Variants in ATP1A3 observed in about 807,000 individuals in gnomAD.
ATP1A3 encodes sodium/potassium-transporting ATPase subunit alpha-3.
ATP1A3 carries 12 observed loss-of-function variants against 108.8 expected under a neutral mutation model. That is an observed-to-expected ratio of 0.11 (90% CI 0.07 to 0.18). The LOEUF is 0.18. ATP1A3 is among the 10% of genes least tolerant of loss of function. ATP1A3 has a pLI of 1.00. For missense variants in ATP1A3, 498 were observed against 1,387.7 expected (o/e 0.36, Z 10.19); for synonymous variants, 539 against 564.5 (o/e 0.95, Z 0.64).
intron 11 of ATP1A3, among the ~76,000 whole-genome samples, chr19:41,979,470 AT>A (rs1260675304): frequency 1.3e-5 from 2 of 151,774 alleles, no homozygotes; most frequent in African/African-American, 2.4e-5. Context: ...CCACACCACC[AT>A]GCCTGGCTAA....
Position 41,981,437 on chromosome 19 carries a change from A to G in ATP1A3, c.1437+65T>C, listed in dbSNP as rs1283442860. 1 of 1,608,118 alleles carries G rather than the reference A, an allele frequency of 6.2e-7. No homozygotes were observed. The highest frequency in any genetic ancestry group is 8.5e-7 in the Non-Finnish European group (1 of 1,175,074). ...GACGGGAAAATCAAGGCTCTATGACACCTCTTTACAGGCGTCATAAGGAAC... is the reference window on the plus strand; with the variant it reads ...GACGGGAAAATCAAGGCTCTATGACGCCTCTTTACAGGCGTCATAAGGAAC... On this transcript the variant is annotated intron_variant, in intron 11 of 22. Coordinates refer to ENST00000648268, the MANE Select transcript of ATP1A3 (RefSeq NM_152296.5). The surrounding 1 kb of genome is among the most constrained non-coding windows in gnomAD (Gnocchi z 5.0).
chr19:41,976,791 T>C (rs1334062411), intron 14 of ATP1A3, among the ~76,000 whole-genome samples: 1 of 151,822 alleles, frequency 6.6e-6, no homozygotes, highest in Non-Finnish European at 1.5e-5. Flanking sequence ...GATTTATTTA[T>C]TTATTTATTT....
intron 1 of ATP1A3, chr19:41,993,625 C>A (rs2075361063): frequency 1.3e-6 from 1 of 756,024 alleles, no homozygotes; most frequent in Non-Finnish European, 2.1e-6. Flanking sequence ...GTGGACCTAT[C>A]CGCACCCTGC....
rs368551273 is a variant in ATP1A3 at position 41,978,673 on chromosome 19, G to T, written c.1563C>A (p.Asp521Glu). The T allele has an allele frequency of 4.3e-6, 7 of 1,613,906 alleles. No individual in the cohort carries two copies. In the African/African-American group the frequency reaches 8.0e-5, roughly 18 times the overall value. The change falls in exon 12 of 23, where the codon GAC becomes GAA. Residue 521 changes from aspartate (D) to glutamate (E), a missense_variant. By Grantham distance (45) the Asp-to-Glu change is conservative. Coordinates refer to ENST00000648268, the MANE Select transcript of ATP1A3 (RefSeq NM_152296.5). The surrounding 1 kb of genome is among the most constrained non-coding windows in gnomAD (Gnocchi z 8.3). ...TCTGGAAGGCCTCCTTCATTTCCTCGTCCAGAGGCTGCTCCTTGCCCTGTA... is the reference window on the plus strand; with the variant it reads ...TCTGGAAGGCCTCCTTCATTTCCTCTTCCAGAGGCTGCTCCTTGCCCTGTA... ...ILLQGKEQPL[D>E]EEMKEAFQNA...
chr19:41,982,098 C>T lies in ATP1A3; in HGVS notation c.1002G>A (p.Leu334=), dbSNP rs782084116. 4 of 1,614,140 alleles carry T rather than the reference C, an allele frequency of 2.5e-6. No homozygotes were observed. Among genetic ancestry groups the T allele is most frequent in the Non-Finnish European group, 3.4e-6 (4 of 1,180,030 alleles). ...EGLLATVTVC[L]TLTAKRMARK... ...GGGCCATGCGCTTGGCGGTCAGCGTCAGACACACCTGGAGGACGAGCAAGG... is the reference window on the plus strand; with the variant it reads ...GGGCCATGCGCTTGGCGGTCAGCGTTAGACACACCTGGAGGACGAGCAAGG... Residue 334 remains leucine (L), a synonymous_variant, in exon 9 of 23, where the codon CTG becomes CTA. Transcript: ENST00000648268.
At chr19:41,979,105 CAAT>C (rs1555862506) in intron 11 of ATP1A3, among the ~76,000 whole-genome samples, 1 of 151,874 alleles carries the variant, frequency 6.6e-6, no homozygotes, top group East Asian at 1.9e-4. Flanking sequence ...TGGGTTCAAG[CAAT>C]TCTCCTGCCT....
Position 41,981,180 on chromosome 19 carries a change from G to C in ATP1A3, c.1437+322C>G, listed in dbSNP as rs74488471. ...CCTGGCTAATTAAAAAAAAAATTTC[G>C]TACAGATGGGGTTTTGCCATCTTGC... On this transcript the variant is annotated intron_variant, in intron 11 of 22. Coordinates refer to ENST00000648268, the MANE Select transcript of ATP1A3 (RefSeq NM_152296.5). The surrounding 1 kb of genome is among the most constrained non-coding windows in gnomAD (Gnocchi z 5.0). Among the ~76,000 whole-genome samples the C allele has an allele frequency of 6.6e-6, 1 of 151,342 alleles. No homozygotes were observed. The highest frequency in any genetic ancestry group is 1.5e-5 in the Non-Finnish European group (1 of 67,888).
At chr19:41,993,253 G>C (rs1254858794) in intron 1 of ATP1A3, 24 of 809,784 alleles carry the variant, frequency 3.0e-5, no homozygotes, top group Admixed American at 6.3e-5. Flanking sequence ...GTCAGCCAGG[G>C]AGGGAGGCGG....
rs370996990 is a variant in ATP1A3 at position 41,977,956 on chromosome 19, G to C, written c.1923C>G (p.Pro641=). 2 of 1,614,250 alleles carry C rather than the reference G, an allele frequency of 1.2e-6. No homozygotes were observed. The highest frequency in any genetic ancestry group is 1.1e-5 in the South Asian group (1 of 91,090). Residue 641 remains proline (P), a synonymous_variant, in exon 14 of 23, where the codon CCC becomes CCG. Coordinates refer to ENST00000648268, the MANE Select transcript of ATP1A3 (RefSeq NM_152296.5). ...VEDIAARLNI[P]VSQVNPRDAK... is the part of the protein sequence containing the mutation. ...CTCACCGGGGGTTAACCTGGCTGAC[G>C]GGAATGTTGAGCCGGGCGGCGATGT...
In ATP1A3 at chr19:41,966,722, A is replaced by G. The variant is rs1480660949; in HGVS notation, c.*215T>C. 6.5e-7 allele frequency: 1 copy of G among 1,534,406 alleles called. No individual in the cohort carries two copies. Among genetic ancestry groups the G allele is most frequent in the Non-Finnish European group, 8.8e-7 (1 of 1,136,408 alleles). ...ATAGAGGGGTGAGGAGAGGGAGAGA[A>G]ACTGACACAGAAAAGAGAGAGGAGA... is the stretch of plus-strand genomic sequence containing the variant. On this transcript the variant is annotated 3_prime_UTR_variant, in exon 23 of 23. Coordinates refer to ENST00000648268, the MANE Select transcript of ATP1A3 (RefSeq NM_152296.5).
Position 41,981,708 on chromosome 19 carries a change from G to A in ATP1A3, c.1302+14C>T, listed in dbSNP as rs782283087. 1.2e-6 allele frequency: 2 copies of A among 1,614,196 alleles called. No homozygotes were observed. Among genetic ancestry groups the A allele is most frequent in the East Asian group, 2.2e-5 (1 of 44,890 alleles). On this transcript the variant is annotated intron_variant, in intron 10 of 22. Coordinates refer to ENST00000648268, the MANE Select transcript of ATP1A3 (RefSeq NM_152296.5). This position sits in a 1 kb window ranked among gnomAD's most constrained non-coding sequence, Gnocchi z 5.0. ...CACAGGCAGGGCCGAGGTGAGGCCAGTAGCTGAACCCACCTTGAGCACAGG... is the reference window on the plus strand; with the variant it reads ...CACAGGCAGGGCCGAGGTGAGGCCAATAGCTGAACCCACCTTGAGCACAGG...
chr19:41,975,547 T>C, intron 16 of ATP1A3, 82 bp downstream of exon 16: 1 of 1,582,078 alleles, frequency 6.3e-7, no homozygotes, highest in Admixed American at 1.7e-5. Flanking sequence ...CACATCCCCC[T>C]GCAGCCCTGG....
intron 8 of ATP1A3, 65 bp downstream of exon 8, chr19:41,984,853 T>A: frequency 6.7e-7 from 1 of 1,488,376 alleles, no homozygotes; most frequent in Non-Finnish European, 9.0e-7. Flanking sequence ...CAGCCCCTCC[T>A]CCCTCAGACC....
rs1555859305 is a variant in ATP1A3, at chr19:41,969,504, C to G, written c.2619G>C (p.Leu873=). The change falls in exon 19 of 23, where the codon CTG becomes CTC. Residue 873 remains leucine, a synonymous_variant. Transcript: ENST00000648268. The part of the protein sequence containing the change: ...LAENGFLPGN[L]VGIRLNWDDR... The stretch of plus-strand genomic sequence containing the variant: ...CATCCCAGTTCAGCCGGATGCCCAC[C>G]AGGTTGCCGGGCAAGAAGCCATTTT... 16 of 1,614,146 alleles carry G rather than the reference C, an allele frequency of 9.9e-6. No individual in the cohort carries two copies. The highest frequency in any genetic ancestry group is 1.4e-5 in the Non-Finnish European group (16 of 1,180,016).
intron 1 of ATP1A3, among the ~76,000 whole-genome samples, chr19:41,991,389 C>G (rs568378183): frequency 6.6e-6 from 1 of 152,156 alleles, no homozygotes; most frequent in Non-Finnish European, 1.5e-5. Flanking sequence ...CCCACGCCAG[C>G]CCTGCAGCAG....
chr19:41,966,876 G>C lies in ATP1A3; in HGVS notation c.*61C>G. 6.5e-7 allele frequency: 1 copy of C among 1,550,356 alleles called. No homozygotes were observed. Among genetic ancestry groups the C allele is most frequent in the Non-Finnish European group, 8.7e-7 (1 of 1,146,454 alleles). ...CCCAGAATACAAAATTGGGGGGACT[G>C]ACAGGGGCGGTCCTGGGCCTGGGGG... On this transcript the variant is annotated 3_prime_UTR_variant, in exon 23 of 23. Transcript: ENST00000648268.
In ATP1A3 at chr19:41,978,336, G is replaced by T; in HGVS notation, c.1631-10C>A. 1 of 1,588,988 alleles carries T rather than the reference G, an allele frequency of 6.3e-7. No individual in the cohort carries two copies. On this transcript the variant is annotated splice_polypyrimidine_tract_variant and intron_variant, in intron 12 of 22. Transcript: ENST00000648268. This position sits in a 1 kb window ranked among gnomAD's most constrained non-coding sequence, Gnocchi z 8.3. ...TAATAATGGCAGAAACCTAGTGGCA[G>T]GGAAGGGTTGGGGTGTGAGGGTCCC...
intron 16 of ATP1A3, among the ~76,000 whole-genome samples, chr19:41,975,076 G>A (rs1463757955): frequency 6.6e-6 from 1 of 151,728 alleles, no homozygotes; most frequent in Non-Finnish European, 1.5e-5. Flanking sequence ...TTTTGAGACG[G>A]AGTCTCGCTC....
At chr19:41,993,197 C>A in intron 1 of ATP1A3, 1 of 514,390 alleles carries the variant, frequency 1.9e-6, no homozygotes, top group Non-Finnish European at 3.6e-6. Context: ...TCAGCCCCGC[C>A]CCAGACACAC....
Sources: gnomAD v4.1 joint callset for allele counts (sites outside exome capture counted in the v4.1 genomes callset) on GRCh38, gnomAD v4.1.1 for gene constraint, Gnocchi (gnomAD v3.1) non-coding constraint, MANE v1.5 for transcripts, NCBI Gene and HGNC (gene_info 2026-07-23, HGNC 2026-07-21) for gene names.